The following TRPM7 variants were observed in gnomAD, a reference collection of about 807,000 sequenced individuals.
TRPM7 encodes transient receptor potential cation channel subfamily M member 7.
Under a neutral mutation model 229.7 loss-of-function variants are expected in TRPM7, and 134 were observed. That is an observed-to-expected ratio of 0.58 (90% CI 0.51 to 0.67). The LOEUF (loss-of-function observed/expected upper bound fraction) is 0.67. Among genes scored for constraint, TRPM7 ranks in the 30% least tolerant of loss-of-function variants. The pLI is 0.00. For synonymous variants in TRPM7, 699 were observed against 715.2 expected (o/e 0.98, Z 0.36); for missense variants, 1,901 against 2,210.0 (o/e 0.86, Z 2.80).
chr15:50,650,644 G>A (rs551074551), intron 3 of TRPM7, among the ~76,000 whole-genome samples: 66 of 151,966 alleles, frequency 4.3e-4, no homozygotes, highest in Non-Finnish European at 7.5e-4. Context: ...GTGGTGAGCC[G>A]AGATCGTGCC....
chr15:50,589,495 G>T, intron 27 of TRPM7, 97 bp downstream of exon 27: 1 of 852,158 alleles, frequency 1.2e-6, no homozygotes, highest in Non-Finnish European at 1.9e-6. Context: ...TGCTAAAACT[G>T]TATTTTTGCT....
chr15:50,586,887 A>C (rs2059357192), intron 27 of TRPM7, among the ~76,000 whole-genome samples: 1 of 152,066 alleles, frequency 6.6e-6, no homozygotes, highest in Non-Finnish European at 1.5e-5. Flanking sequence ...GTGGTGGCGC[A>C]TGCCTGTAGT....
chr15:50,577,533 G>A (rs544878906), intron 31 of TRPM7, among the ~76,000 whole-genome samples: 3 of 152,250 alleles, frequency 2.0e-5, no homozygotes, highest in African/African-American at 7.2e-5. Flanking sequence ...CAGCCTGGAC[G>A]ACAGAGCAAG....
rs766676539 is a variant in TRPM7 at position 50,603,336 on chromosome 15, C to CT, written c.2988+1529dup. ...CTGATTTTTTTTTTTAATTATTATA[C>CT]TTTAAGTTCTAGGGTACATGTGCAC... On this transcript the variant is annotated intron_variant, in intron 21 of 38. Coordinates refer to ENST00000646667, the MANE Select transcript of TRPM7 (RefSeq NM_017672.6). 1.1e-3 allele frequency among the ~76,000 whole-genome samples: 167 copies of CT among 151,238 alleles called. 4 individuals carry two copies. The South Asian group carries it at 0.025, about 23-fold the overall frequency.
At chr15:50,575,560 C>T (rs16963776) in intron 33 of TRPM7, among the ~76,000 whole-genome samples, 164 bp downstream of exon 33, 10,077 of 152,194 alleles carry the variant, frequency 0.066, 484 homozygotes, top group African/African-American at 0.13. Context: ...TGATGCTTCC[C>T]TTCTTCTATT....
At chr15:50,571,578 G>GC (rs2053888874) in intron 36 of TRPM7, among the ~76,000 whole-genome samples, 4 of 123,442 alleles carry the variant, frequency 3.2e-5, no homozygotes, top group African/African-American at 1.1e-4. Flanking sequence ...AAAAAAAAGT[G>GC]GAAAAAAAAA....
At chr15:50,562,645 G>T (rs182652197) in intron 38 of TRPM7, among the ~76,000 whole-genome samples, 6 of 151,904 alleles carry the variant, frequency 3.9e-5, no homozygotes, top group Admixed American at 1.3e-4. Context: ...GGTGATGTGC[G>T]CCTGTAGTCC....
Position 50,605,034 on chromosome 15 carries a change from T to C in TRPM7, c.2820A>G (p.Gly940=), listed in dbSNP as rs758080866. 6.2e-7 allele frequency: 1 copy of C among 1,613,952 alleles called. No individual in the cohort carries two copies. Among genetic ancestry groups the C allele is most frequent in the African/African-American group, 1.3e-5 (1 of 75,056 alleles). The change falls in exon 21 of 39, where the codon GGA becomes GGG. Residue 940 remains glycine, a synonymous_variant. Transcript: ENST00000646667. ...AGTTCCATTTTGCTCCAAATCTTAG[T>C]CCAAATCCAATGAAGAAAGAAATTA... ...IAIISFFIGF[G]LRFGAKWNFA...
chr15:50,573,700 A>C (rs926167391), intron 36 of TRPM7, among the ~76,000 whole-genome samples: 1 of 152,210 alleles, frequency 6.6e-6, no homozygotes, highest in Non-Finnish European at 1.5e-5. Context: ...ACTAGACTGC[A>C]TATCTTAGAA....
rs1184468753 is a variant in TRPM7 at position 50,686,738 on chromosome 15, C to G, written c.-205G>C. 4 of 617,322 alleles carry G rather than the reference C, an allele frequency of 6.5e-6. No individual in the cohort carries two copies. In the East Asian group the frequency reaches 1.0e-4, roughly 16 times the overall value. The allele number at this position is 617,322 out of a possible 1,614,324, so 38.2% of individuals were successfully genotyped here. ...TTCATAATTGTGCGACCAACTCCTC[C>G]GGGTGACTGGCCACAGGGACGCGCC... On this transcript the variant is annotated 5_prime_UTR_variant, in exon 1 of 39. Coordinates refer to ENST00000646667, the MANE Select transcript of TRPM7 (RefSeq NM_017672.6).
intron 33 of TRPM7, among the ~76,000 whole-genome samples, 173 bp from the exon 34 acceptor site, chr15:50,575,308 A>C (rs979289313): frequency 2.0e-5 from 3 of 152,236 alleles, no homozygotes; most frequent in Non-Finnish European, 4.4e-5. Flanking sequence ...GGATACTTTC[A>C]TAATATCTTT....
At chr15:50,633,496 T>A (rs925155735) in intron 8 of TRPM7, among the ~76,000 whole-genome samples, 1 of 151,656 alleles carries the variant, frequency 6.6e-6, no homozygotes, top group African/African-American at 2.4e-5. Context: ...CATTTACTTA[T>A]ATATAACTTT....
Position 50,624,262 on chromosome 15 carries a change from T to G in TRPM7, c.1344A>C (p.Val448=). 6.2e-7 allele frequency: 1 copy of G among 1,611,908 alleles called. No homozygotes were observed. Among genetic ancestry groups the G allele is most frequent in the Non-Finnish European group, 8.5e-7 (1 of 1,179,014 alleles). The change falls in exon 12 of 39, where the codon GTA becomes GTC. Residue 448 remains valine, a synonymous_variant. Transcript: ENST00000646667. ...GTTTTACAAATGCAACTCTATCCATTACAAGAGCATCAAGCATAGCTTGTT... is the reference window on the plus strand; with the variant it reads ...GTTTTACAAATGCAACTCTATCCATGACAAGAGCATCAAGCATAGCTTGTT... ...SLEQAMLDAL[V]MDRVAFVKLL...
chr15:50,589,875 TGAGAACAAGTCTC>T (rs200955704), intron 26 of TRPM7, among the ~76,000 whole-genome samples: 11,402 of 152,216 alleles, frequency 0.075, 547 homozygotes, highest in South Asian at 0.12. Context: ...TTTTTAAATT[TGAGAACAAGTCTC>T]GTTCTGTTGC....
At chr15:50,625,948 T>C (rs1219755745) in intron 11 of TRPM7, among the ~76,000 whole-genome samples, 1 of 152,220 alleles carries the variant, frequency 6.6e-6, no homozygotes, top group Non-Finnish European at 1.5e-5. Context: ...CTTTCTCTTA[T>C]CACATACAAA....
chr15:50,606,416 T>C lies in TRPM7; in HGVS notation c.2709+784A>G, dbSNP rs534695839. On this transcript the variant is annotated intron_variant, in intron 20 of 38. Transcript: ENST00000646667. ...CAAACAAACAAACAAAACCCAATAT[T>C]CATGTAGCTACTACTTCAAAAACAA... Among the ~76,000 whole-genome samples the C allele has an allele frequency of 4.6e-5, 7 of 150,546 alleles. No individual in the cohort carries two copies. The South Asian group carries it at 1.5e-3, about 31-fold the overall frequency.
At chr15:50,663,764 G>A (rs1192188735) in intron 1 of TRPM7, among the ~76,000 whole-genome samples, 1 of 152,074 alleles carries the variant, frequency 6.6e-6, no homozygotes, top group Non-Finnish European at 1.5e-5. Flanking sequence ...AGAATTCAAG[G>A]CTACCCTGGA....
At chr15:50,679,188 T>C (rs2062172630) in intron 1 of TRPM7, among the ~76,000 whole-genome samples, 1 of 150,734 alleles carries the variant, frequency 6.6e-6, no homozygotes, top group Middle Eastern at 3.2e-3. Context: ...ATTTTTTAAT[T>C]AGCCAGGTTG....
At chr15:50,640,989 A>G (rs908465928) in intron 5 of TRPM7, among the ~76,000 whole-genome samples, 1 of 152,184 alleles carries the variant, frequency 6.6e-6, no homozygotes, top group Admixed American at 6.5e-5. Context: ...CCAGTCTGTG[A>G]TATTTGGTTA....
Sources: allele counts gnomAD v4.1 joint callset (sites outside exome capture counted in the v4.1 genomes callset), GRCh38; gene constraint gnomAD v4.1.1; transcripts MANE v1.5; gene names NCBI Gene and HGNC (gene_info 2026-07-23, HGNC 2026-07-21).